COMMD1: variants seen among roughly 807,000 people sequenced by gnomAD.
COMMD1 encodes the protein COMM domain-containing protein 1.
Under a neutral mutation model 17.2 loss-of-function variants are expected in COMMD1, and 10 were observed. The observed-to-expected ratio is 0.58, with a 90% CI of 0.36 to 0.99. The LOEUF is 0.99. Among genes scored for constraint, COMMD1 ranks in the 50% least tolerant of loss-of-function variants. The pLI, the probability that COMMD1 is intolerant of heterozygous loss-of-function variation, is 0.01. For missense variants in COMMD1, 270 were observed against 231.8 expected (o/e 1.17, Z -1.07); for synonymous variants, 97 against 91.6 (o/e 1.06, Z -0.34).
At position 61,951,602 on chromosome 2, in the gene COMMD1, T is replaced by C. The variant is rs746216488; in HGVS notation, c.180+45744T>C. 2.0e-5 allele frequency among the ~76,000 whole-genome samples: 3 copies of C among 152,224 alleles called. No individual in the cohort carries two copies. In the East Asian group the frequency reaches 5.8e-4, roughly 29 times the overall value. On this transcript the variant is annotated intron_variant, in intron 1 of 2. Transcript: ENST00000311832. ...ATATATTAAAACTCTTACCTGGGAC[T>C]TTCATTATTTTAACAGCTTTATTGC...
At chr2:62,086,754 C>A (rs1671681532) in intron 2 of COMMD1, among the ~76,000 whole-genome samples, 2 of 152,112 alleles carry the variant, frequency 1.3e-5, no homozygotes, top group Admixed American at 1.3e-4. Context: ...GGATCCAGAA[C>A]TTATTTTGGG....
At chr2:62,062,692 CTG>C (rs746517226) in intron 2 of COMMD1, among the ~76,000 whole-genome samples, 21 of 152,042 alleles carry the variant, frequency 1.4e-4, no homozygotes, top group Admixed American at 7.2e-4. Flanking sequence ...AAAAAAATCT[CTG>C]TTCATTTATG....
intron 1 of COMMD1, among the ~76,000 whole-genome samples, chr2:61,944,814 G>A (rs555140260): frequency 1.3e-5 from 2 of 152,144 alleles, no homozygotes; most frequent in Non-Finnish European, 2.9e-5. Context: ...TAAGGGGTTC[G>A]GGTCATTAGA....
chr2:62,101,094 A>AT (rs1472366397), intron 2 of COMMD1, among the ~76,000 whole-genome samples: 8 of 24,820 alleles, frequency 3.2e-4, no homozygotes, highest in South Asian at 0.013. Context: ...TTTGGGCAAG[A>AT]TTTAAAAAAA....
chr2:61,994,870 T>G (rs1013005790), intron 1 of COMMD1, among the ~76,000 whole-genome samples: 3 of 152,122 alleles, frequency 2.0e-5, no homozygotes, highest in Non-Finnish European at 4.4e-5. Context: ...TTGGGACCAG[T>G]CAGTGCGCCC....
At chr2:61,968,769 G>T (rs1356301031) in intron 1 of COMMD1, among the ~76,000 whole-genome samples, 1 of 151,838 alleles carries the variant, frequency 6.6e-6, no homozygotes, top group African/African-American at 2.4e-5. Flanking sequence ...TGTTGCCCAG[G>T]CTGGTTTCAA....
chr2:61,941,650 G>A (rs959090320), intron 1 of COMMD1, among the ~76,000 whole-genome samples: 2 of 152,208 alleles, frequency 1.3e-5, no homozygotes, highest in Admixed American at 1.3e-4. Context: ...CACTAGGCTG[G>A]TTGTTGTCTC....
At chr2:62,085,053 T>C (rs570258544) in intron 2 of COMMD1, among the ~76,000 whole-genome samples, 1 of 152,322 alleles carries the variant, frequency 6.6e-6, no homozygotes, top group South Asian at 2.1e-4. Flanking sequence ...CAAATAACTA[T>C]AACCCTAATT....
chr2:61,946,676 G>T (rs1389964948), intron 1 of COMMD1, among the ~76,000 whole-genome samples: 1 of 152,082 alleles, frequency 6.6e-6, no homozygotes, highest in Non-Finnish European at 1.5e-5. Context: ...GTACACTATT[G>T]ATATTAAAGC....
chr2:62,092,862 C>T (rs6728569), intron 2 of COMMD1, among the ~76,000 whole-genome samples: 18,642 of 152,070 alleles, frequency 0.12, 2,946 homozygotes, highest in African/African-American at 0.36. Context: ...GGATCTAAGA[C>T]TAAGCAAGAC....
At chr2:62,020,674 G>A (rs1029981431) in intron 2 of COMMD1, among the ~76,000 whole-genome samples, 61 of 152,130 alleles carry the variant, frequency 4.0e-4, no homozygotes, top group Non-Finnish European at 6.8e-4. Flanking sequence ...AAATTCCGCT[G>A]AGAGGCAATA....
At chr2:61,899,127 G>T (rs930362024) in intron 1 of COMMD1, among the ~76,000 whole-genome samples, 1 of 152,000 alleles carries the variant, frequency 6.6e-6, no homozygotes, top group African/African-American at 2.4e-5. Context: ...ATGCCACTTT[G>T]GCATAAGGAT....
chr2:62,001,838 C>G (rs1352832446), intron 2 of COMMD1, among the ~76,000 whole-genome samples: 1 of 152,084 alleles, frequency 6.6e-6, no homozygotes, highest in Non-Finnish European at 1.5e-5. Context: ...TCTGTACTGA[C>G]TTTAATTTTA....
At chr2:61,992,204 G>A (rs1194220066) in intron 1 of COMMD1, among the ~76,000 whole-genome samples, 3 of 152,116 alleles carry the variant, frequency 2.0e-5, no homozygotes, top group East Asian at 3.9e-4. Context: ...ATTTTAAATG[G>A]TATTGTCACT....
Position 61,945,698 on chromosome 2 carries a change from A to G in COMMD1, c.180+39840A>G, listed in dbSNP as rs188860848. Among the ~76,000 whole-genome samples the G allele has an allele frequency of 2.0e-5, 3 of 152,336 alleles. No homozygotes were observed. The East Asian group carries it at 5.8e-4, about 29-fold the overall frequency. On this transcript the variant is annotated intron_variant, in intron 1 of 2. Transcript: ENST00000311832. ...TTGCTTTTATACAATTTAGGGAGAC[A>G]TAATACATCAATCAATATATGTAAG...
intron 2 of COMMD1, among the ~76,000 whole-genome samples, chr2:62,104,502 TGG>T (rs1672269889): frequency 6.6e-6 from 1 of 151,192 alleles, no homozygotes. Context: ...GGCGTGGTGA[TGG>T]GCACCTGTAA....
intron 1 of COMMD1, among the ~76,000 whole-genome samples, chr2:61,960,811 C>T (rs1000118401): frequency 1.3e-5 from 2 of 152,178 alleles, no homozygotes; most frequent in East Asian, 3.9e-4. Context: ...CGTTCAGCCC[C>T]GCTGCCAGAA....
chr2:61,923,812 T>C (rs967850291), intron 1 of COMMD1, among the ~76,000 whole-genome samples: 2 of 152,226 alleles, frequency 1.3e-5, no homozygotes, highest in African/African-American at 4.8e-5. Flanking sequence ...TCTGGCTCTA[T>C]TGCCCAGGCT....
At chr2:62,115,459 G>A (rs1672565644) in intron 2 of COMMD1, among the ~76,000 whole-genome samples, 1 of 152,236 alleles carries the variant, frequency 6.6e-6, no homozygotes, top group Admixed American at 6.5e-5. Flanking sequence ...AGATTTAGAA[G>A]TAGTGAGAAC....
Sources: gnomAD v4.1 joint callset for allele counts (sites outside exome capture counted in the v4.1 genomes callset) on GRCh38, gnomAD v4.1.1 for gene constraint, MANE v1.5 for transcripts, NCBI Gene and HGNC (gene_info 2026-07-23, HGNC 2026-07-21) for gene names.